Variants in CACNA1A observed in about 807,000 individuals in gnomAD.
CACNA1A encodes the protein calcium voltage-gated channel subunit alpha1 A.
CACNA1A carries 57 observed loss-of-function variants against 262.4 expected under a neutral mutation model. The ratio of observed to expected loss-of-function variants is 0.22; its 90% confidence interval spans 0.18 to 0.27. CACNA1A has a LOEUF of 0.27. Among genes scored for constraint, CACNA1A ranks in the 10% least tolerant of loss-of-function variants. The pLI, the probability that CACNA1A is intolerant of heterozygous loss-of-function variation, is 1.00. For missense variants in CACNA1A, 2,526 were observed against 3,562.8 expected, an observed-to-expected ratio of 0.71 and a Z score of 7.41; for synonymous variants, 1,431 against 1,419.3, an observed-to-expected ratio of 1.01 and a Z score of -0.18.
At chr19:13,284,988 T>C (rs1380208700) in intron 21 of CACNA1A, 80 bp downstream of exon 21, 10 of 1,430,240 alleles carry the variant, frequency 7.0e-6, no homozygotes, top group African/African-American at 5.6e-5. Flanking sequence ...CACTCACTCA[T>C]TGCCCTCTAT....
chr19:13,500,493 T>C (rs143167969), intron 1 of CACNA1A, among the ~76,000 whole-genome samples: 1 of 152,328 alleles, frequency 6.6e-6, no homozygotes, highest in East Asian at 1.9e-4. Flanking sequence ...CTTCCACTCC[T>C]TTCCATAGAT....
intron 1 of CACNA1A, among the ~76,000 whole-genome samples, chr19:13,505,018 G>A (rs921637729): frequency 2.6e-5 from 4 of 152,118 alleles, no homozygotes; most frequent in African/African-American, 9.7e-5. Context: ...CCACATGGGT[G>A]CTGATTCTCC....
chr19:13,498,051 C>T (rs1378419400), intron 1 of CACNA1A, among the ~76,000 whole-genome samples: 2 of 151,938 alleles, frequency 1.3e-5, no homozygotes, highest in Non-Finnish European at 2.9e-5. Context: ...CCTATGCAGA[C>T]GCCACAACAT....
chr19:13,420,720 A>T (rs568372061), intron 3 of CACNA1A, among the ~76,000 whole-genome samples: 150 of 152,218 alleles, frequency 9.9e-4, no homozygotes, highest in Admixed American at 2.8e-3. Context: ...AGTTCATGTT[A>T]CTCTGTTATA....
intron 44 of CACNA1A, among the ~76,000 whole-genome samples, chr19:13,209,792 C>T (rs1454562712): frequency 6.6e-6 from 1 of 152,180 alleles, no homozygotes; most frequent in African/African-American, 2.4e-5. Flanking sequence ...TCCTCACTCT[C>T]CAGTCCTGGG....
intron 6 of CACNA1A, among the ~76,000 whole-genome samples, chr19:13,349,007 C>CTAAAA (rs2058849464): frequency 1.7e-5 from 1 of 59,682 alleles, no homozygotes; most frequent in Non-Finnish European, 3.1e-5. Flanking sequence ...GACGCTGTCT[C>CTAAAA]AAAAAAAAAA....
chr19:13,334,527 T>C, intron 7 of CACNA1A, 34 bp from the exon 8 acceptor site: 1 of 1,157,890 alleles, frequency 8.6e-7, no homozygotes, highest in Non-Finnish European at 1.3e-6. Flanking sequence ...AGTATGGCTG[T>C]TTTGAAAATG....
At chr19:13,468,045 A>G (rs1289142540) in intron 1 of CACNA1A, among the ~76,000 whole-genome samples, 1 of 152,192 alleles carries the variant, frequency 6.6e-6, no homozygotes, top group Non-Finnish European at 1.5e-5. Flanking sequence ...CCTCTGGGCC[A>G]AAAAGTTTAA....
At chr19:13,229,018 C>G (rs2055574224) in intron 36 of CACNA1A, 1 of 305,920 alleles carries the variant, frequency 3.3e-6, no homozygotes. Flanking sequence ...CCCTGGGGCT[C>G]TCTCTGCATC....
In CACNA1A at chr19:13,212,669, G is replaced by A. The variant is rs764448299; in HGVS notation, c.6012C>T (p.Asn2004=). Residue 2004 remains asparagine, a synonymous_variant, in exon 41 of 47, where the codon AAC becomes AAT. Transcript: ENST00000360228. This position sits in a 1 kb window ranked among gnomAD's most constrained non-coding sequence, Gnocchi z 5.6. ...GGTCCAGCTGGGTGGAGGGGAGGGCGTTCTGGCCAGGTCCCCCTTCCTGCG... is the reference window on the plus strand; with the variant it reads ...GGTCCAGCTGGGTGGAGGGGAGGGCATTCTGGCCAGGTCCCCCTTCCTGCG... ...SPTQEGGPGQ[N]ALPSTQLDPG... 3.0e-5 allele frequency: 46 copies of A among 1,513,394 alleles called. No individual in the cohort carries two copies. The highest frequency in any genetic ancestry group is 1.6e-4 in the Admixed American group (7 of 45,014). The allele number at this position is 1,513,394 out of a possible 1,614,324, so 93.7% of individuals were successfully genotyped here.
At position 13,306,258 on chromosome 19, in the gene CACNA1A, GC is replaced by G. The variant is rs542421864; in HGVS notation, c.1986+1523del. Among the ~76,000 whole-genome samples, 6 of 152,344 alleles carry G rather than the reference GC, an allele frequency of 3.9e-5. No homozygotes were observed. In the South Asian group the frequency reaches 1.2e-3, roughly 32 times the overall value. On this transcript the variant is annotated intron_variant, in intron 15 of 46. Coordinates refer to ENST00000360228, the MANE Select transcript of CACNA1A (RefSeq NM_001127222.2). The stretch of plus-strand genomic sequence containing the variant: ...AAGATGCTCTGAAGGTCCCGGCTGG[GC>G]CAGTCCCAAGCCTCAGGGAATGCGC...
chr19:13,394,753 A>G (rs2059780517), intron 3 of CACNA1A, among the ~76,000 whole-genome samples: 1 of 152,138 alleles, frequency 6.6e-6, no homozygotes, highest in African/African-American at 2.4e-5. Flanking sequence ...CCCAAAATGA[A>G]GTTCTCCGAA....
At chr19:13,381,821 G>C (rs1344596626) in intron 3 of CACNA1A, among the ~76,000 whole-genome samples, 7 of 152,192 alleles carry the variant, frequency 4.6e-5, no homozygotes, top group African/African-American at 9.6e-5. Context: ...AGCGAGCAAG[G>C]GGGAGGGTGT....
chr19:13,359,955 T>C (rs1463331474), intron 5 of CACNA1A, among the ~76,000 whole-genome samples, 156 bp from the exon 6 acceptor site: 1 of 152,108 alleles, frequency 6.6e-6, no homozygotes, highest in Non-Finnish European at 1.5e-5. Context: ...TTTGGGGGTC[T>C]ATTATTGGTT....
intron 11 of CACNA1A, chr19:13,315,478 C>G (rs1014115684): frequency 6.6e-6 from 1 of 152,136 alleles, no homozygotes; most frequent in Non-Finnish European, 1.5e-5. Flanking sequence ...GGCAGGAAGT[C>G]TCAGTCCCTT....
In CACNA1A at chr19:13,285,152, T is replaced by C; in HGVS notation, c.3608A>G (p.Glu1203Gly). 1 of 1,613,940 alleles carries C rather than the reference T, an allele frequency of 6.2e-7. No individual in the cohort carries two copies. Among genetic ancestry groups the C allele is most frequent in the Non-Finnish European group, 8.5e-7 (1 of 1,179,878 alleles). The change falls in exon 21 of 47, where the codon GAG becomes GGG. Residue 1203 changes from glutamate to glycine, a missense_variant. Transcript: ENST00000360228. ...PLPKKEEEKK[E>G]EEEDDRGEDG... Reference sequence around the variant, plus strand: ...TTCCCCACGGTCGTCTTCCTCCTCCTCCTTCTTCTCTTCCTCTTTTTTTGG... The same window carrying C: ...TTCCCCACGGTCGTCTTCCTCCTCCCCCTTCTTCTCTTCCTCTTTTTTTGG...
chr19:13,397,047 GGA>G (rs904109949), intron 3 of CACNA1A, among the ~76,000 whole-genome samples: 18 of 152,160 alleles, frequency 1.2e-4, no homozygotes, highest in Admixed American at 6.5e-5. Context: ...ATCTCTTTAA[GGA>G]GTCTCTTCAT....
chr19:13,300,222 C>G (rs1458475213), intron 18 of CACNA1A, among the ~76,000 whole-genome samples: 1 of 152,326 alleles, frequency 6.6e-6, no homozygotes, highest in Non-Finnish European at 1.5e-5. Context: ...CCTACTTTCT[C>G]TGTAGTTCCA....
intron 10 of CACNA1A, among the ~76,000 whole-genome samples, chr19:13,320,599 T>C (rs553779022): frequency 7.2e-5 from 11 of 152,280 alleles, no homozygotes; most frequent in South Asian, 2.1e-4. Context: ...ACGACAGGCA[T>C]ACCCTTCACT....
Sources: gnomAD v4.1 joint callset for allele counts (sites outside exome capture counted in the v4.1 genomes callset) on GRCh38, gnomAD v4.1.1 for gene constraint, Gnocchi (gnomAD v3.1) non-coding constraint, MANE v1.5 for transcripts, NCBI Gene and HGNC (gene_info 2026-07-23, HGNC 2026-07-21) for gene names.